The following LRP3 variants were observed in gnomAD, a reference collection of about 807,000 sequenced individuals.
LRP3 encodes low-density lipoprotein receptor-related protein 3.
In LRP3, 49 loss-of-function variants were observed where a neutral mutation model predicts 58.5. That is an observed-to-expected ratio of 0.84 (90% CI 0.67 to 1.06). The LOEUF (loss-of-function observed/expected upper bound fraction) is 1.06, where lower values mean the gene tolerates loss of function less well. Among genes scored for constraint, LRP3 ranks in the 50% least tolerant of loss-of-function variants. LRP3 has a pLI of 0.00. For synonymous variants in LRP3, 485 were observed against 492.2 expected, an observed-to-expected ratio of 0.99 and a Z score of 0.20; for missense variants, 1,019 against 1,134.2, an observed-to-expected ratio of 0.90 and a Z score of 1.46.
At chr19:33,202,713 C>T in intron 2 of LRP3, 135 bp from the exon 3 acceptor site, 1 of 999,934 alleles carries the variant, frequency 1.0e-6, no homozygotes, top group Non-Finnish European at 1.4e-6. Flanking sequence ...TGTGGCCTTG[C>T]CCTTGGCCAT....
intron 2 of LRP3, 65 bp downstream of exon 2, chr19:33,196,842 G>C: frequency 6.7e-7 from 1 of 1,487,846 alleles, no homozygotes; most frequent in Non-Finnish European, 9.4e-7. Context: ...GGTCCCTGAA[G>C]ACAGGCCTTC....
At position 33,205,412 on chromosome 19, in the gene LRP3, G is replaced by C. The variant is rs1379558634; in HGVS notation, c.642G>C (p.Gly214=). The C allele has an allele frequency of 1.3e-6, 2 of 1,595,094 alleles. No individual in the cohort carries two copies. Among genetic ancestry groups the C allele is most frequent in the Non-Finnish European group, 1.7e-6 (2 of 1,169,998 alleles). Residue 214 remains glycine (G), a synonymous_variant, in exon 5 of 7, where the codon GGG becomes GGC. Coordinates refer to ENST00000253193, the MANE Select transcript of LRP3 (RefSeq NM_002333.4). The stretch of plus-strand genomic sequence containing the variant: ...AGCCTCCAGGCAGCCTGTGCCCCGG[G>C]GGGACCTTCCCATGCAGCGGGGCGC... The part of the protein sequence containing the change: ...ASEPPGSLCP[G]GTFPCSGARS...
chr19:33,208,410 C>T lies in LRP3; in HGVS notation c.*835C>T. On this transcript the variant is annotated 3_prime_UTR_variant, in exon 7 of 7. Coordinates refer to ENST00000253193, the MANE Select transcript of LRP3 (RefSeq NM_002333.4). The surrounding 1 kb of genome is among the most constrained non-coding windows in gnomAD (Gnocchi z 4.7). ...CCCTGAGCTCTCCTGGGTGGCCGAG[C>T]TCAGACTGGCATCGAGGGGCCTGGG... The T allele has an allele frequency of 4.9e-6, 1 of 204,512 alleles. No individual in the cohort carries two copies. The highest frequency in any genetic ancestry group is 1.0e-5 in the Non-Finnish European group (1 of 99,960). The allele number at this position is 204,512 out of a possible 1,614,324, so 12.7% of individuals were successfully genotyped here.
intron 4 of LRP3, 96 bp downstream of exon 4, chr19:33,204,948 C>T (rs1022026822): frequency 2.8e-5 from 33 of 1,191,738 alleles, no homozygotes; most frequent in South Asian, 9.6e-5. Context: ...CACAGGGCCC[C>T]GGCTCCCTGT....
At chr19:33,200,867 C>T (rs571594182) in intron 2 of LRP3, among the ~76,000 whole-genome samples, 26 of 152,314 alleles carry the variant, frequency 1.7e-4, no homozygotes, top group Non-Finnish European at 2.4e-4. Context: ...CTGATGGTGA[C>T]GCAGTGGTGG....
chr19:33,207,154 C>T lies in LRP3; in HGVS notation c.1892C>T (p.Ser631Leu), dbSNP rs1262130502. ...QIPLLTAARP[S>L]QTVLGDGFLQ... ...CCACTGCTGACCGCAGCACGCCCCT[C>T]ACAGACCGTGCTGGGCGATGGCTTC... The change falls in exon 7 of 7, where the codon TCA becomes TTA. Residue 631 changes from serine (S) to leucine (L), a missense_variant. Transcript: ENST00000253193. 1.3e-6 allele frequency: 2 copies of T among 1,537,174 alleles called. No individual in the cohort carries two copies.
In LRP3 at chr19:33,204,747, A is replaced by G; in HGVS notation, c.370A>G (p.Ile124Val). The part of the protein sequence containing the change: ...QEAFRLCGSA[I>V]PPAFISARDH... ...GGCCTTCCGCCTCTGTGGCTCCGCCATCCCACCTGCCTTCATCTCTGCCCG... is the reference window on the plus strand; with the variant it reads ...GGCCTTCCGCCTCTGTGGCTCCGCCGTCCCACCTGCCTTCATCTCTGCCCG... Residue 124 changes from isoleucine to valine, a missense_variant, in exon 4 of 7, where the codon ATC becomes GTC. By Grantham distance (29) the Ile-to-Val change is conservative (BLOSUM62 3). Transcript: ENST00000253193. 6.2e-7 allele frequency: 1 copy of G among 1,612,564 alleles called. No homozygotes were observed.
rs1213181559 is a variant in LRP3 at position 33,206,138 on chromosome 19, G to A, written c.1368G>A (p.Gln456=). 1.2e-6 allele frequency: 2 copies of A among 1,608,460 alleles called. No individual in the cohort carries two copies. The highest frequency in any genetic ancestry group is 1.7e-6 in the Non-Finnish European group (2 of 1,179,098). ...ACGAGAAGAACTGCTTCTCCTGCCA[G>A]CCCGGCACCTTCCACTGCGGTACCA... ...GADEKNCFSC[Q]PGTFHCGTNL... is the part of the protein sequence containing the mutation. The change falls in exon 5 of 7, where the codon CAG becomes CAA. Residue 456 remains glutamine (Q), a synonymous_variant. Transcript: ENST00000253193.
intron 1 of LRP3, among the ~76,000 whole-genome samples, chr19:33,195,593 C>T (rs1161726923): frequency 6.6e-6 from 1 of 151,870 alleles, no homozygotes; most frequent in Non-Finnish European, 1.5e-5. Context: ...TTAGGGGACA[C>T]CCTGTGATGT....
At position 33,207,314 on chromosome 19, in the gene LRP3, G is replaced by T; in HGVS notation, c.2052G>T (p.Leu684Phe). 1.3e-6 allele frequency: 2 copies of T among 1,570,268 alleles called. No individual in the cohort carries two copies. Among genetic ancestry groups the T allele is most frequent in the South Asian group, 1.2e-5 (1 of 86,712 alleles). Residue 684 changes from leucine (L) to phenylalanine (F), a missense_variant, in exon 7 of 7, where the codon TTG becomes TTT. Physicochemically the swap from Leu to Phe is conservative, Grantham distance 22. Around this residue, in one of 2 missense-constraint regions of LRP3, gnomAD observed 427 missense variants for 408.6 expected, o/e 1.04. Transcript: ENST00000253193. ...APEVGPSGPP[L>F]PSGLRDPECR... ...AGGTGGGACCTTCAGGGCCACCCTT[G>T]CCCTCGGGCCTGCGAGACCCAGAGT...
At chr19:33,206,504 G>T (rs1974412983) in intron 5 of LRP3, 97 bp from the exon 6 acceptor site, 12 of 1,588,170 alleles carry the variant, frequency 7.6e-6, no homozygotes, top group Non-Finnish European at 1.0e-5. Context: ...CTATATCTTG[G>T]GGTGTCTGGG....
chr19:33,200,236 T>G (rs578066828), intron 2 of LRP3, among the ~76,000 whole-genome samples: 1 of 152,264 alleles, frequency 6.6e-6, no homozygotes, highest in Non-Finnish European at 1.5e-5. Flanking sequence ...CCTTCTTTTT[T>G]TTAATTTTTT....
chr19:33,197,021 G>C (rs952273898), intron 2 of LRP3, among the ~76,000 whole-genome samples: 3 of 152,240 alleles, frequency 2.0e-5, no homozygotes, highest in African/African-American at 7.2e-5. Context: ...CCATGAGCCA[G>C]TGAGGCAAGC....
In LRP3 at chr19:33,206,293, G is replaced by A. The variant is rs1233583008; in HGVS notation, c.1523G>A (p.Cys508Tyr). The A allele has an allele frequency of 6.3e-7, 1 of 1,598,454 alleles. No individual in the cohort carries two copies. Among genetic ancestry groups the A allele is most frequent in the Non-Finnish European group, 8.5e-7 (1 of 1,171,692 alleles). ...ITAALIGSLV[C>Y]GLLLVIALGC... is the part of the protein sequence containing the mutation. Reference sequence around the variant, plus strand: ...GCGGCGCTCATTGGCAGCCTGGTGTGTGGCCTGCTGCTGGTCATCGCGCTG... The same window carrying A: ...GCGGCGCTCATTGGCAGCCTGGTGTATGGCCTGCTGCTGGTCATCGCGCTG... Residue 508 changes from cysteine to tyrosine, a missense_variant, in exon 5 of 7, where the codon TGT becomes TAT. Physicochemically the swap from Cys to Tyr is radical, Grantham distance 194. Transcript: ENST00000253193.
In LRP3 at chr19:33,207,066, C is replaced by A. The variant is rs755208409; in HGVS notation, c.1804C>A (p.Arg602Ser). 1.3e-6 allele frequency: 2 copies of A among 1,493,022 alleles called. No homozygotes were observed. Among genetic ancestry groups the A allele is most frequent in the African/African-American group, 1.4e-5 (1 of 69,906 alleles). 92.5% of individuals were successfully genotyped at this position (1,493,022 alleles called of 1,614,324 possible). ...RHASRRGPSR[R>S]RLGRLWNRLF... ...CGCCTCCCGCCGGGGGCCCTCCCGC[C>A]GCCGCCTCGGCCGCCTCTGGAACCG... The change falls in exon 7 of 7, where the codon CGC becomes AGC. Residue 602 changes from arginine (R) to serine (S), a missense_variant. Arg to Ser is a moderately radical substitution (Grantham distance 110). Transcript: ENST00000253193.
At chr19:33,198,882 G>A (rs951755381) in intron 2 of LRP3, among the ~76,000 whole-genome samples, 1 of 152,228 alleles carries the variant, frequency 6.6e-6, no homozygotes, top group Non-Finnish European at 1.5e-5. Flanking sequence ...GTTGGCGGGG[G>A]TATTGATCAA....
Position 33,205,431 on chromosome 19 carries a change from G to A in LRP3, c.661G>A (p.Gly221Arg), listed in dbSNP as rs375403587. ...LCPGGTFPCSGARSTRCLPVE... is the reference protein window; with the variant it reads ...LCPGGTFPCSRARSTRCLPVE... ...CCCCGGGGGGACCTTCCCATGCAGC[G>A]GGGCGCGCTCCACGCGCTGCCTGCC... The change falls in exon 5 of 7, where the codon GGG becomes AGG. Residue 221 changes from glycine to arginine, a missense_variant. Physicochemically the swap from Gly to Arg is moderately radical, Grantham distance 125 (BLOSUM62 -2). This residue lies in a region of LRP3 where 592 missense variants were observed against 725.5 expected (regional missense o/e 0.82). Transcript: ENST00000253193. 52 of 1,591,434 alleles carry A rather than the reference G, an allele frequency of 3.3e-5. No homozygotes were observed. The Middle Eastern group carries it at 8.3e-4, about 25-fold the overall frequency.
rs746148256 is a variant in LRP3, at chr19:33,202,844, A to C, written c.122-4A>C. ...CGGCCTTTCTCGGCCTCCTCTCCCG[A>C]CAGCGGCCTGCAGTGGGAAGCTGGA... On this transcript the variant is annotated splice_polypyrimidine_tract_variant and splice_region_variant and intron_variant, in intron 2 of 6. Transcript: ENST00000253193. The C allele has an allele frequency of 1.2e-6, 2 of 1,606,494 alleles. No individual in the cohort carries two copies. The highest frequency in any genetic ancestry group is 1.7e-6 in the Non-Finnish European group (2 of 1,176,304).
intron 2 of LRP3, among the ~76,000 whole-genome samples, chr19:33,198,252 C>T (rs1974305805): frequency 6.6e-6 from 1 of 152,178 alleles, no homozygotes; most frequent in Non-Finnish European, 1.5e-5. Flanking sequence ...GCGAGGAGGA[C>T]ACTGTCCAGG....
Sources: allele counts gnomAD v4.1 joint callset (sites outside exome capture counted in the v4.1 genomes callset), GRCh38; gene constraint gnomAD v4.1.1; regional missense constraint gnomAD v4.1.1; non-coding constraint Gnocchi (gnomAD v3.1); transcripts MANE v1.5; gene names NCBI Gene and HGNC (gene_info 2026-07-23, HGNC 2026-07-21).